Variants in FAM186B observed in about 807,000 individuals in gnomAD.
The protein encoded by FAM186B is protein FAM186B.
FAM186B carries 68 observed loss-of-function variants against 83.4 expected under a neutral mutation model. The ratio of observed to expected loss-of-function variants is 0.81; its 90% CI spans 0.67 to 1.00. The LOEUF (loss-of-function observed/expected upper bound fraction) is 1.00. FAM186B is among the 50% of genes least tolerant of loss of function. The pLI, the probability that FAM186B is intolerant of heterozygous loss-of-function variation, is 0.00. For synonymous variants in FAM186B, 389 were observed against 422.0 expected, an observed-to-expected ratio of 0.92 and a Z score of 0.96; for missense variants, 983 against 1,099.2, an observed-to-expected ratio of 0.89 and a Z score of 1.49.
At chr12:49,616,853 C>CA in the FAM186B span, among the ~76,000 whole-genome samples, 1 of 152,160 alleles carries the variant, frequency 6.6e-6, no homozygotes, top group South Asian at 2.1e-4. Context: ...ATGTAAATTA[C>CA]ACCTCAATAA....
chr12:49,613,071 A>G, the FAM186B span, among the ~76,000 whole-genome samples: 356 of 152,350 alleles, frequency 2.3e-3, no homozygotes, highest in Middle Eastern at 6.8e-3. Context: ...AGAAATCAAA[A>G]CAAGAAGATC....
In FAM186B at chr12:49,596,323, C is replaced by CAAA. The variant is rs933362822; in HGVS notation, c.2364+2429_2364+2431dup. Among the ~76,000 whole-genome samples the CAAA allele has an allele frequency of 2.0e-3, 126 of 64,066 alleles. 1 individual carries two copies. Among genetic ancestry groups the CAAA allele is most frequent in the African/African-American group, 3.5e-3 (73 of 20,578 alleles). The allele number at this position is 64,066 out of a possible 152,430, so 42.0% of individuals were successfully genotyped here. Reference sequence around the variant, plus strand: ...CGGCAATATAGTGAGACCCCCGTCTCAAAAAAAAAAAAAAAAAAAAAGCAG... The same window carrying CAAA: ...CGGCAATATAGTGAGACCCCCGTCTCAAAAAAAAAAAAAAAAAAAAAAAAGCAG... On this transcript the variant is annotated intron_variant, in intron 5 of 6. Transcript: ENST00000257894.
the FAM186B span, chr12:49,619,235 A>G: frequency 1.4e-5 from 3 of 212,472 alleles, no homozygotes; most frequent in Admixed American, 1.2e-4. Flanking sequence ...AAGCGGGAGT[A>G]TTATAAATCA....
chr12:49,617,232 C>T, the FAM186B span, among the ~76,000 whole-genome samples: 1 of 152,174 alleles, frequency 6.6e-6, no homozygotes, highest in African/African-American at 2.4e-5. Context: ...TGTATGCAGA[C>T]CCTCACTAAC....
downstream of FAM186B, among the ~76,000 whole-genome samples, chr12:49,584,951 G>A (rs1939408652): frequency 2.6e-5 from 4 of 151,762 alleles, no homozygotes; most frequent in Admixed American, 2.6e-4. Flanking sequence ...TCTCCAGCAT[G>A]TTAGATGCCT....
intron 5 of FAM186B, among the ~76,000 whole-genome samples, chr12:49,597,624 G>C (rs1015154718): frequency 1.3e-5 from 2 of 152,190 alleles, no homozygotes; most frequent in African/African-American, 4.8e-5. Context: ...TGCCAGAGGA[G>C]AGAGAAAAAT....
At position 49,599,904 on chromosome 12, in the gene FAM186B, G is replaced by A; in HGVS notation, c.1736C>T (p.Ala579Val). 1 of 1,612,474 alleles carries A rather than the reference G, an allele frequency of 6.2e-7. No homozygotes were observed. Residue 579 changes from alanine (A) to valine (V), a missense_variant, in exon 4 of 7, where the codon GCC becomes GTC. Coordinates refer to ENST00000257894, the MANE Select transcript of FAM186B (RefSeq NM_032130.3). Reference sequence around the variant, plus strand: ...GTGAGCAGATTGGGTCCGGCTTGGGGCAGGCACTAATGATAGCTCTGCCTT... The same window carrying A: ...GTGAGCAGATTGGGTCCGGCTTGGGACAGGCACTAATGATAGCTCTGCCTT... The part of the protein sequence containing the change: ...LEKAELSLVP[A>V]PSRTQSAHQS...
In FAM186B at chr12:49,598,819, TTG is replaced by T. The variant is rs758307084; in HGVS notation, c.2298_2299del (p.Asp766GlufsTer35). On this transcript the variant is annotated frameshift_variant, in exon 5 of 7. Coordinates refer to ENST00000257894, the MANE Select transcript of FAM186B (RefSeq NM_032130.3). LOFTEE classifies it high-confidence loss of function. ...GTGCTTCTCCTCCAGCCCCTTCTGC[TTG>T]TCCGTCCAGGCCTGCAGCCTGAGAC... The T allele has an allele frequency of 1.2e-6, 2 of 1,612,848 alleles. No homozygotes were observed.
At chr12:49,589,315 TCCTCCAATC>T (rs2138244403) in intron 5 of FAM186B, among the ~76,000 whole-genome samples, 1 of 152,266 alleles carries the variant, frequency 6.6e-6, no homozygotes, top group African/African-American at 2.4e-5. Flanking sequence ...AACTTTGGGC[TCCTCCAATC>T]CCTCCAAGCT....
At chr12:49,605,701 CA>C, upstream of FAM186B, 1 of 457,522 alleles carries the variant, frequency 2.2e-6, no homozygotes, top group Non-Finnish European at 3.9e-6. Context: ...TGAGACTCCC[CA>C]CTATCTAGCT....
At chr12:49,595,627 T>C (rs758845746) in intron 5 of FAM186B, 1 of 417,228 alleles carries the variant, frequency 2.4e-6, no homozygotes, top group Non-Finnish European at 4.8e-6. Context: ...ATTACAATTG[T>C]TGAAGCCCTG....
At chr12:49,598,620 G>T in intron 5 of FAM186B, 135 bp downstream of exon 5, 1 of 793,870 alleles carries the variant, frequency 1.3e-6, no homozygotes, top group Non-Finnish European at 2.0e-6. Flanking sequence ...GCTTTATCCT[G>T]CCTTCTCCTT....
intron 5 of FAM186B, among the ~76,000 whole-genome samples, chr12:49,593,684 A>G (rs1939642759): frequency 6.6e-6 from 1 of 151,960 alleles, no homozygotes; most frequent in Non-Finnish European, 1.5e-5. Context: ...ATAAAAGTCC[A>G]AATTTTGGGC....
chr12:49,606,486 GACACACACAC>G (rs57458344), upstream of FAM186B, among the ~76,000 whole-genome samples: 18 of 135,994 alleles, frequency 1.3e-4, no homozygotes, highest in South Asian at 4.9e-4. Context: ...TAGATACCCT[GACACACACAC>G]ACACACACAC....
chr12:49,607,760 C>T (rs930097163), upstream of FAM186B, among the ~76,000 whole-genome samples: 15 of 152,200 alleles, frequency 9.9e-5, no homozygotes, highest in South Asian at 4.2e-4. Flanking sequence ...AGTGCAGTGG[C>T]GTGATCTCGG....
chr12:49,592,255 C>T (rs140857222), intron 5 of FAM186B, among the ~76,000 whole-genome samples: 1 of 152,282 alleles, frequency 6.6e-6, no homozygotes, highest in African/African-American at 2.4e-5. Context: ...GGGCAGAGCA[C>T]ATGATCAGGA....
downstream of FAM186B, chr12:49,583,954 A>G (rs1269458577): frequency 6.4e-6 from 1 of 155,676 alleles, no homozygotes; most frequent in East Asian, 1.9e-4. Flanking sequence ...CTTAGCCCAC[A>G]CCGTCTATAT....
chr12:49,604,316 A>C lies in FAM186B; in HGVS notation c.319T>G (p.Trp107Gly). ...LYDILRWLGD[W>G]GDTLTYEIGP... ...GGTGCCCAGCCTGCAAACTCACCCC[A>C]GTCACCCAGCCAGCGGAGAATGTCA... Residue 107 changes from tryptophan (W) to glycine (G), a missense_variant, in exon 2 of 7, where the codon TGG becomes GGG. Transcript: ENST00000257894. The C allele has an allele frequency of 6.2e-7, 1 of 1,612,642 alleles. No homozygotes were observed. Among genetic ancestry groups the C allele is most frequent in the Middle Eastern group, 1.7e-4 (1 of 6,046 alleles).
chr12:49,592,066 T>C (rs1018768155), intron 5 of FAM186B, among the ~76,000 whole-genome samples: 1 of 152,118 alleles, frequency 6.6e-6, no homozygotes, highest in Admixed American at 6.5e-5. Context: ...AGAGACAAAA[T>C]GTATGACAAC....
Sources: allele counts gnomAD v4.1 joint callset (sites outside exome capture counted in the v4.1 genomes callset), GRCh38; gene constraint gnomAD v4.1.1; transcripts MANE v1.5; gene names NCBI Gene and HGNC (gene_info 2026-07-23, HGNC 2026-07-21).